DNAJC5: variants seen among roughly 807,000 people sequenced by gnomAD.
DNAJC5 encodes DnaJ heat shock protein family (Hsp40) member C5.
Under a neutral mutation model 23.2 loss-of-function variants are expected in DNAJC5, and 1 was observed. The ratio of observed to expected loss-of-function variants is 0.04; its 90% CI spans 0.02 to 0.20. The LOEUF (loss-of-function observed/expected upper bound fraction) is 0.20, where lower values mean the gene tolerates loss of function less well. Ranked by LOEUF, DNAJC5 falls within the 10% of genes least tolerant of loss-of-function variation. DNAJC5 has a pLI of 1.00. For missense variants in DNAJC5, 180 were observed against 267.0 expected (o/e 0.67, Z 2.27); for synonymous variants, 136 against 120.0 (o/e 1.13, Z -0.87).
intron 1 of DNAJC5, among the ~76,000 whole-genome samples, chr20:63,912,710 C>T (rs1282513060): frequency 4.6e-5 from 7 of 152,172 alleles, no homozygotes; most frequent in East Asian, 1.9e-4. Flanking sequence ...CGGGTTCAAG[C>T]GATTCTTGTG....
intron 1 of DNAJC5, among the ~76,000 whole-genome samples, chr20:63,913,261 C>T (rs2053494893): frequency 6.6e-6 from 1 of 152,118 alleles, no homozygotes; most frequent in African/African-American, 2.4e-5. Flanking sequence ...CTTGTCTTTG[C>T]CCCACTCCCT....
chr20:63,907,767 G>A (rs2053456880), intron 1 of DNAJC5, among the ~76,000 whole-genome samples: 1 of 152,134 alleles, frequency 6.6e-6, no homozygotes, highest in African/African-American at 2.4e-5. Context: ...TGAAATTTAG[G>A]GGTTTTTTGT....
chr20:63,914,968 G>A lies in DNAJC5; in HGVS notation c.-11-13367G>A, dbSNP rs181018799. On this transcript the variant is annotated intron_variant, in intron 1 of 4. Coordinates refer to ENST00000360864, the MANE Select transcript of DNAJC5 (RefSeq NM_025219.3). The stretch of plus-strand genomic sequence containing the variant: ...GGAAATGGCCTCAGATAATTTCAGA[G>A]GTTTTTAAATAAAGAACGCTCAAAA... 1.2e-4 allele frequency among the ~76,000 whole-genome samples: 18 copies of A among 152,306 alleles called. No individual in the cohort carries two copies. The East Asian group carries it at 3.5e-3, about 29-fold the overall frequency.
intron 1 of DNAJC5, among the ~76,000 whole-genome samples, chr20:63,903,996 C>T (rs2053431383): frequency 6.6e-6 from 1 of 152,042 alleles, no homozygotes; most frequent in Non-Finnish European, 1.5e-5. Context: ...TGAGGTCAGG[C>T]TGAGGTGGGA....
chr20:63,912,092 C>T (rs1001514520), intron 1 of DNAJC5, among the ~76,000 whole-genome samples: 4 of 152,164 alleles, frequency 2.6e-5, no homozygotes, highest in East Asian at 1.9e-4. Flanking sequence ...CACTTGAGGC[C>T]GGGAGTTTGA....
chr20:63,902,241 A>C (rs1332541218), intron 1 of DNAJC5, among the ~76,000 whole-genome samples: 3 of 150,848 alleles, frequency 2.0e-5, no homozygotes, highest in Non-Finnish European at 4.4e-5. Flanking sequence ...TTTTTAGTAG[A>C]GATGGGGTTT....
chr20:63,915,731 G>A (rs1304371593), intron 1 of DNAJC5, among the ~76,000 whole-genome samples: 1 of 152,214 alleles, frequency 6.6e-6, no homozygotes, highest in African/African-American at 2.4e-5. Flanking sequence ...ACCGCCTCAG[G>A]CTGAGCCTGC....
Position 63,928,491 on chromosome 20 carries a change from GAC to G in DNAJC5, c.107+45_107+46del. 6.6e-7 allele frequency: 1 copy of G among 1,526,544 alleles called. No homozygotes were observed. Among genetic ancestry groups the G allele is most frequent in the Non-Finnish European group, 9.1e-7 (1 of 1,100,672 alleles). 94.6% of individuals were successfully genotyped at this position (1,526,544 alleles called of 1,614,324 possible). A position where few individuals can be genotyped will look rare whatever the true frequency, so the allele number is the denominator to read the frequency against. On this transcript the variant is annotated intron_variant, in intron 2 of 4. Coordinates refer to ENST00000360864, the MANE Select transcript of DNAJC5 (RefSeq NM_025219.3). The surrounding 1 kb of genome is among the most constrained non-coding windows in gnomAD (Gnocchi z 4.6). ...TGTGGCCCCCACATCCCCCCAGGAAGACACACATGCCCCGTGTGGTTTAGTCT... is the reference window on the plus strand; with the variant it reads ...TGTGGCCCCCACATCCCCCCAGGAAGACACATGCCCCGTGTGGTTTAGTCT...
In DNAJC5 at chr20:63,933,763, G is replaced by A. The variant is rs1256993534; in HGVS notation, c.*2195G>A. 6.6e-6 allele frequency: 1 copy of A among 152,384 alleles called. No individual in the cohort carries two copies. The allele number at this position is 152,384 out of a possible 1,614,324, so 9.4% of individuals were successfully genotyped here. A position where few individuals can be genotyped will look rare whatever the true frequency, so the allele number is the denominator to read the frequency against. ...AGGTTCTAAGCTTGGACCTAAGGTA[G>A]AAAGCTGCCCATCGGGGGCCCTAGC... On this transcript the variant is annotated 3_prime_UTR_variant, in exon 5 of 5. Transcript: ENST00000360864.
intron 1 of DNAJC5, among the ~76,000 whole-genome samples, chr20:63,924,255 T>G (rs554545951): frequency 2.0e-5 from 3 of 152,352 alleles, no homozygotes; most frequent in Admixed American, 6.5e-5. Context: ...CTGTCAAGTC[T>G]ACAGATCAGT....
Position 63,895,315 on chromosome 20 carries a change from G to A in DNAJC5, c.-20G>A, listed in dbSNP as rs1210280739. 1 of 147,728 alleles carries A rather than the reference G, an allele frequency of 6.8e-6. No homozygotes were observed. The highest frequency in any genetic ancestry group is 1.5e-5 in the Non-Finnish European group (1 of 66,042). 9.2% of individuals were successfully genotyped at this position (147,728 alleles called of 1,614,324 possible). On this transcript the variant is annotated 5_prime_UTR_variant, in exon 1 of 5. Coordinates refer to ENST00000360864, the MANE Select transcript of DNAJC5 (RefSeq NM_025219.3). ...CGGCGGGAGGGCGGGCGGGCGGGCG[G>A]ACGGGCAGGTGAGCTCGCTGCGGGT... is the stretch of plus-strand genomic sequence containing the variant.
intron 1 of DNAJC5, among the ~76,000 whole-genome samples, chr20:63,906,506 C>T (rs766350715): frequency 6.6e-6 from 1 of 151,600 alleles, no homozygotes; most frequent in South Asian, 2.1e-4. Context: ...AATTAATAGC[C>T]GAGCACGCTG....
rs775067598 is a variant in DNAJC5 at position 63,930,880 on chromosome 20, G to A, written c.351G>A (p.Thr117=). 11 of 1,613,508 alleles carry A rather than the reference G, an allele frequency of 6.8e-6. No homozygotes were observed. Among genetic ancestry groups the A allele is most frequent in the African/African-American group, 4.0e-5 (3 of 74,914 alleles). The part of the protein sequence containing the change: ...KALFVFCGLL[T]CCYCCCCLCC... ...TGTTTGTCTTCTGCGGCCTCCTCAC[G>A]TGCTGCTACTGCTGCTGCTGTCTGT... Residue 117 remains threonine (T), a synonymous_variant, in exon 4 of 5, where the codon ACG becomes ACA. Transcript: ENST00000360864.
Position 63,933,723 on chromosome 20 carries a change from G to C in DNAJC5, c.*2155G>C, listed in dbSNP as rs2053694009. ...TTAGGACGTGAGTTATTTTTCCGCA[G>C]ACTGGCCAAGAGCCAGGTTCTAAGC... On this transcript the variant is annotated 3_prime_UTR_variant, in exon 5 of 5. Transcript: ENST00000360864. The C allele has an allele frequency of 6.6e-6, 1 of 152,338 alleles. No individual in the cohort carries two copies. Among genetic ancestry groups the C allele is most frequent in the Admixed American group, 6.5e-5 (1 of 15,272 alleles). 9.4% of individuals were successfully genotyped at this position (152,338 alleles called of 1,614,324 possible).
At position 63,932,014 on chromosome 20, in the gene DNAJC5, C is replaced by G. The variant is rs933808378; in HGVS notation, c.*446C>G. Reference sequence around the variant, plus strand: ...GTGCTGCCTGGCAGAGCTGTGTTACCGTCTTGGCCTCGGGGTCTGGTCCAC... The same window carrying G: ...GTGCTGCCTGGCAGAGCTGTGTTACGGTCTTGGCCTCGGGGTCTGGTCCAC... On this transcript the variant is annotated 3_prime_UTR_variant, in exon 5 of 5. Coordinates refer to ENST00000360864, the MANE Select transcript of DNAJC5 (RefSeq NM_025219.3). The surrounding 1 kb of genome is among the most constrained non-coding windows in gnomAD (Gnocchi z 4.4). The G allele has an allele frequency of 3.1e-6, 1 of 321,676 alleles. No homozygotes were observed. Among genetic ancestry groups the G allele is most frequent in the Non-Finnish European group, 6.1e-6 (1 of 164,148 alleles). 19.9% of individuals were successfully genotyped at this position (321,676 alleles called of 1,614,324 possible). A position where few individuals can be genotyped will look rare whatever the true frequency, so the allele number is the denominator to read the frequency against.
Position 63,928,479 on chromosome 20 carries a change from T to TC in DNAJC5, c.107+33dup, listed in dbSNP as rs1159830708. On this transcript the variant is annotated intron_variant, in intron 2 of 4. Coordinates refer to ENST00000360864, the MANE Select transcript of DNAJC5 (RefSeq NM_025219.3). The surrounding 1 kb of genome is among the most constrained non-coding windows in gnomAD (Gnocchi z 4.6). ...TAAGTGGACAAGTGTGGCCCCCACATCCCCCCAGGAAGACACACATGCCCC... is the reference window on the plus strand; with the variant it reads ...TAAGTGGACAAGTGTGGCCCCCACATCCCCCCCAGGAAGACACACATGCCCC... The TC allele has an allele frequency of 7.6e-6, 12 of 1,582,500 alleles. No individual in the cohort carries two copies. The East Asian group carries it at 2.5e-4, about 32-fold the overall frequency.
Position 63,931,541 on chromosome 20 carries a change from C to T in DNAJC5, c.570C>T (p.Pro190=), listed in dbSNP as rs1349994773. 1.3e-6 allele frequency: 2 copies of T among 1,581,784 alleles called. No individual in the cohort carries two copies. Among genetic ancestry groups the T allele is most frequent in the Non-Finnish European group, 1.7e-6 (2 of 1,168,086 alleles). ...ETTQLTADSH[P]SYHTDGFN ...CCCAGCTCACAGCCGACTCCCACCC[C>T]AGCTACCACACTGACGGGTTCAACT... Residue 190 remains proline, a synonymous_variant, in exon 5 of 5, where the codon CCC becomes CCT. Coordinates refer to ENST00000360864, the MANE Select transcript of DNAJC5 (RefSeq NM_025219.3). This position sits in a 1 kb window ranked among gnomAD's most constrained non-coding sequence, Gnocchi z 9.6.
At position 63,916,934 on chromosome 20, in the gene DNAJC5, C is replaced by T. The variant is rs142290100; in HGVS notation, c.-11-11401C>T. Among the ~76,000 whole-genome samples the T allele has an allele frequency of 2.5e-3, 374 of 152,316 alleles. 1 individual carries two copies. Among genetic ancestry groups the T allele is most frequent in the African/African-American group, 8.7e-3 (360 of 41,560 alleles). ...CAGTCAGACCTTATGGTTGTCTTCC[C>T]TTGTTCCCTGAAAATCACGATTATT... On this transcript the variant is annotated intron_variant, in intron 1 of 4. Coordinates refer to ENST00000360864, the MANE Select transcript of DNAJC5 (RefSeq NM_025219.3).
At position 63,934,542 on chromosome 20, in the gene DNAJC5, G is replaced by T. The variant is rs2053701956; in HGVS notation, c.*2974G>T. 6.6e-6 allele frequency: 1 copy of T among 152,280 alleles called. No homozygotes were observed. The highest frequency in any genetic ancestry group is 1.5e-5 in the Non-Finnish European group (1 of 68,050). 9.4% of individuals were successfully genotyped at this position (152,280 alleles called of 1,614,324 possible). A position where few individuals can be genotyped will look rare whatever the true frequency, so the allele number is the denominator to read the frequency against. On this transcript the variant is annotated 3_prime_UTR_variant, in exon 5 of 5. Transcript: ENST00000360864. The stretch of plus-strand genomic sequence containing the variant: ...CTTCCGACCTGCAGGAGGCGTAGGA[G>T]CGGCCCTGCGGGCCCTTTCACGGCA...
Sources: allele counts gnomAD v4.1 joint callset (sites outside exome capture counted in the v4.1 genomes callset), GRCh38; gene constraint gnomAD v4.1.1; non-coding constraint Gnocchi (gnomAD v3.1); transcripts MANE v1.5; gene names NCBI Gene and HGNC (gene_info 2026-07-23, HGNC 2026-07-21).